The following SNX29 variants were observed in gnomAD, a reference collection of about 807,000 sequenced individuals.
The protein encoded by SNX29 is sorting nexin 29.
In SNX29, 78 loss-of-function variants were observed where a neutral mutation model predicts 102.1. The ratio of observed to expected loss-of-function variants is 0.76; its 90% confidence interval spans 0.64 to 0.92. SNX29 has a LOEUF of 0.92. SNX29 is among the 40% of genes least tolerant of loss of function. The probability of loss-of-function intolerance (pLI) is 0.00; values close to 1 mark genes in which losing one functional copy is unlikely to be tolerated. For missense variants in SNX29, 1,280 were observed against 1,061.7 expected, an observed-to-expected ratio of 1.21 and a Z score of -2.86; for synonymous variants, 580 against 414.5, an observed-to-expected ratio of 1.40 and a Z score of -4.85.
chr16:12,260,170 T>A (rs1424650462), intron 14 of SNX29, among the ~76,000 whole-genome samples: 2 of 152,200 alleles, frequency 1.3e-5, no homozygotes, highest in Admixed American at 1.3e-4. Flanking sequence ...AACCTATCTT[T>A]TTTATCCCCT....
intron 19 of SNX29, among the ~76,000 whole-genome samples, chr16:12,497,313 CA>C (rs1272720465): frequency 6.6e-6 from 1 of 152,136 alleles, no homozygotes; most frequent in Non-Finnish European, 1.5e-5. Flanking sequence ...TATCATACAC[CA>C]AGTCTCGTGG....
chr16:12,499,248 A>G (rs2088987101), intron 19 of SNX29, among the ~76,000 whole-genome samples: 1 of 152,196 alleles, frequency 6.6e-6, no homozygotes, highest in Non-Finnish European at 1.5e-5. Context: ...CAGGTCATGC[A>G]TTTCACATTG....
chr16:12,164,804 C>A (rs1330843009), intron 13 of SNX29, among the ~76,000 whole-genome samples: 2 of 151,072 alleles, frequency 1.3e-5, no homozygotes, highest in African/African-American at 4.9e-5. Context: ...TCTCCTGCCT[C>A]AGCCTCCTGA....
chr16:12,225,900 TC>T (rs1259042581), intron 14 of SNX29, among the ~76,000 whole-genome samples: 1 of 152,160 alleles, frequency 6.6e-6, no homozygotes, highest in African/African-American at 2.4e-5. Context: ...CTGAAGAGGC[TC>T]TCCTGCCTTT....
At chr16:12,208,182 G>A (rs1240150002) in intron 14 of SNX29, among the ~76,000 whole-genome samples, 1 of 152,172 alleles carries the variant, frequency 6.6e-6, no homozygotes, top group Admixed American at 6.5e-5. Flanking sequence ...CATGGGTGAG[G>A]GCTAGTCATA....
At chr16:12,545,718 C>CG (rs1276775848) in intron 20 of SNX29, 2 of 152,242 alleles carry the variant, frequency 1.3e-5, no homozygotes, top group East Asian at 1.9e-4. Context: ...TGGCCAGAGA[C>CG]GAGGTCACCA....
At chr16:12,345,817 C>G (rs1363313979) in intron 15 of SNX29, among the ~76,000 whole-genome samples, 2 of 152,180 alleles carry the variant, frequency 1.3e-5, no homozygotes, top group Non-Finnish European at 2.9e-5. Flanking sequence ...CCTCCCACCT[C>G]CTCTCCCACC....
chr16:12,554,935 C>T (rs1033927366), intron 20 of SNX29, among the ~76,000 whole-genome samples: 1 of 151,820 alleles, frequency 6.6e-6, no homozygotes, highest in African/African-American at 2.4e-5. Flanking sequence ...GGGCAGCAAG[C>T]ACGGCCTCTG....
chr16:12,119,919 T>C (rs350206), intron 11 of SNX29, among the ~76,000 whole-genome samples: 361 of 152,354 alleles, frequency 2.4e-3, no homozygotes, highest in African/African-American at 8.3e-3. Context: ...CTCGCATTGC[T>C]GGGTGTGTAT....
At chr16:12,483,978 G>A (rs577359616) in intron 19 of SNX29, among the ~76,000 whole-genome samples, 1 of 152,216 alleles carries the variant, frequency 6.6e-6, no homozygotes, top group Non-Finnish European at 1.5e-5. Flanking sequence ...CTCTAATGAC[G>A]CAAGCTGGGA....
chr16:12,389,834 CAGG>C (rs1475019509), intron 16 of SNX29, among the ~76,000 whole-genome samples: 1 of 152,196 alleles, frequency 6.6e-6, no homozygotes, highest in African/African-American at 2.4e-5. Context: ...TAGGGCAGAG[CAGG>C]AGAAGTCTGC....
intron 20 of SNX29, among the ~76,000 whole-genome samples, chr16:12,539,262 T>C (rs911418384): frequency 6.6e-6 from 1 of 152,192 alleles, no homozygotes; most frequent in Non-Finnish European, 1.5e-5. Flanking sequence ...TTTCCCCTCA[T>C]TTCCTTTCTA....
intron 15 of SNX29, among the ~76,000 whole-genome samples, chr16:12,285,973 C>G (rs907718336): frequency 6.6e-6 from 1 of 151,782 alleles, no homozygotes; most frequent in African/African-American, 2.4e-5. Context: ...CTCCTGCTTC[C>G]CCCTCCACAG....
At chr16:12,263,488 C>T (rs1204661629) in intron 14 of SNX29, among the ~76,000 whole-genome samples, 1 of 152,076 alleles carries the variant, frequency 6.6e-6, no homozygotes, top group Non-Finnish European at 1.5e-5. Flanking sequence ...AGAAATCTAA[C>T]AGATTATCAT....
intron 13 of SNX29, among the ~76,000 whole-genome samples, chr16:12,138,410 G>A (rs1296020704): frequency 3.3e-5 from 5 of 151,886 alleles, no homozygotes; most frequent in African/African-American, 1.2e-4. Flanking sequence ...GTTTCACCAT[G>A]TTGTCTAGGC....
intron 18 of SNX29, among the ~76,000 whole-genome samples, chr16:12,474,693 G>A (rs1184890848): frequency 6.6e-6 from 1 of 152,198 alleles, no homozygotes; most frequent in East Asian, 1.9e-4. Context: ...TTCAAATTAC[G>A]ATGGCAATTT....
At chr16:12,015,814 C>T (rs577912959) in intron 3 of SNX29, among the ~76,000 whole-genome samples, 8 of 150,404 alleles carry the variant, frequency 5.3e-5, no homozygotes, top group East Asian at 2.0e-4. Context: ...GGATTACAGG[C>T]GCCTGAGCCA....
intron 13 of SNX29, among the ~76,000 whole-genome samples, chr16:12,158,831 C>G (rs946266366): frequency 6.6e-6 from 1 of 152,216 alleles, no homozygotes; most frequent in Non-Finnish European, 1.5e-5. Context: ...TGGGGGAACC[C>G]TTAGCTCAGT....
intron 3 of SNX29, among the ~76,000 whole-genome samples, chr16:12,012,185 A>T (rs1329993530): frequency 6.6e-6 from 1 of 152,148 alleles, no homozygotes; most frequent in Non-Finnish European, 1.5e-5. Flanking sequence ...AATAAATATT[A>T]GTTGTCATAG....
Sources: gnomAD v4.1 joint callset for allele counts (sites outside exome capture counted in the v4.1 genomes callset) on GRCh38, gnomAD v4.1.1 for gene constraint, MANE v1.5 for transcripts, NCBI Gene and HGNC (gene_info 2026-07-23, HGNC 2026-07-21) for gene names.